COX10: variants seen among roughly 807,000 people sequenced by gnomAD.
COX10 encodes the protein protoheme IX farnesyltransferase, mitochondrial.
In COX10, 27 loss-of-function variants were observed where a neutral mutation model predicts 37.3. The ratio of observed to expected loss-of-function variants is 0.72; its 90% CI spans 0.53 to 1.00. The LOEUF is 1.00. Ranked by LOEUF, COX10 falls within the 50% of genes least tolerant of loss-of-function variation. The pLI is 0.00. For missense variants in COX10, 475 were observed against 563.2 expected (o/e 0.84, Z 1.59); for synonymous variants, 222 against 229.1 (o/e 0.97, Z 0.28).
intron 1 of COX10, among the ~76,000 whole-genome samples, chr17:14,071,662 C>G (rs1915024920): frequency 6.7e-6 from 1 of 150,298 alleles, no homozygotes; most frequent in Non-Finnish European, 1.5e-5. Context: ...GGCAGGTGGA[C>G]CACTTGAGGT....
At chr17:14,108,622 T>A (rs1200572788) in intron 4 of COX10, among the ~76,000 whole-genome samples, 1 of 150,830 alleles carries the variant, frequency 6.6e-6, no homozygotes, top group Non-Finnish European at 1.5e-5. Flanking sequence ...AGAAGAGACA[T>A]GTTTTTTGTT....
chr17:14,146,867 C>T (rs1904735291), intron 4 of COX10, among the ~76,000 whole-genome samples: 1 of 152,092 alleles, frequency 6.6e-6, no homozygotes. Context: ...AGAAGACATA[C>T]AAATGGCAGA....
At chr17:14,185,279 C>T (rs930185482) in intron 5 of COX10, among the ~76,000 whole-genome samples, 118 of 142,536 alleles carry the variant, frequency 8.3e-4, no homozygotes, top group Admixed American at 1.1e-3. Flanking sequence ...TGGGAAGAGC[C>T]GATGGTTTTT....
chr17:14,117,547 C>T (rs1222321750), intron 4 of COX10, among the ~76,000 whole-genome samples: 2 of 152,176 alleles, frequency 1.3e-5, no homozygotes, highest in Non-Finnish European at 2.9e-5. Context: ...CCCTTATCCC[C>T]CTTTCAGGGC....
intron 4 of COX10, among the ~76,000 whole-genome samples, chr17:14,148,203 C>G (rs1904786806): frequency 6.6e-6 from 1 of 152,128 alleles, no homozygotes; most frequent in Admixed American, 6.6e-5. Context: ...GGGTGAAAAG[C>G]CACTTCTGAT....
At chr17:14,109,819 G>A (rs889712608) in intron 4 of COX10, among the ~76,000 whole-genome samples, 1 of 152,066 alleles carries the variant, frequency 6.6e-6, no homozygotes, top group East Asian at 1.9e-4. Flanking sequence ...TACCTCTAAC[G>A]ACATCGAGTG....
chr17:14,101,294 C>T (rs1915774456), intron 3 of COX10, among the ~76,000 whole-genome samples: 1 of 152,182 alleles, frequency 6.6e-6, no homozygotes, highest in Non-Finnish European at 1.5e-5. Context: ...TGTAATGTTG[C>T]TCACCCTACC....
chr17:14,165,958 G>A (rs749009044), intron 5 of COX10, among the ~76,000 whole-genome samples: 2 of 152,210 alleles, frequency 1.3e-5, no homozygotes, highest in Non-Finnish European at 2.9e-5. Flanking sequence ...TTTTATGAAG[G>A]CTGAGAGAGG....
intron 4 of COX10, among the ~76,000 whole-genome samples, chr17:14,147,659 A>T (rs1392427446): frequency 1.3e-5 from 2 of 151,998 alleles, no homozygotes; most frequent in Non-Finnish European, 2.9e-5. Flanking sequence ...TTTGTAACAC[A>T]AAAGATAAGT....
chr17:14,156,017 C>T (rs1905033281), intron 4 of COX10, among the ~76,000 whole-genome samples: 1 of 152,164 alleles, frequency 6.6e-6, no homozygotes, highest in African/African-American at 2.4e-5. Context: ...CCCTTGTCTA[C>T]CTCTGGAGCT....
At chr17:14,119,721 G>A (rs918640565) in intron 4 of COX10, among the ~76,000 whole-genome samples, 2 of 152,158 alleles carry the variant, frequency 1.3e-5, no homozygotes, top group African/African-American at 4.8e-5. Flanking sequence ...ACAAGAGGAA[G>A]CGTGGTTTAG....
At chr17:14,134,735 T>C (rs1379193679) in intron 4 of COX10, among the ~76,000 whole-genome samples, 1 of 151,518 alleles carries the variant, frequency 6.6e-6, no homozygotes, top group Non-Finnish European at 1.5e-5. Context: ...TTTAAGGTAG[T>C]AGTTTTTTGA....
rs751576984 is a variant in COX10, at chr17:14,159,860, T to C, written c.625-17T>C. 61 of 1,593,300 alleles carry C rather than the reference T, an allele frequency of 3.8e-5. No individual in the cohort carries two copies. Among genetic ancestry groups the C allele is most frequent in the Non-Finnish European group, 5.0e-5 (58 of 1,164,764 alleles). ...TTTATAGTTAATGTTTTCTGTCTTT[T>C]TTCATTCTTTTTACAGTTTTTTGAG... On this transcript the variant is annotated splice_polypyrimidine_tract_variant and intron_variant, in intron 4 of 6. Coordinates refer to ENST00000261643, the MANE Select transcript of COX10 (RefSeq NM_001303.4).
intron 5 of COX10, among the ~76,000 whole-genome samples, chr17:14,161,988 G>A (rs1239483420): frequency 6.6e-6 from 1 of 152,154 alleles, no homozygotes; most frequent in Non-Finnish European, 1.5e-5. Context: ...CACTGGGGAA[G>A]CCAAATATTA....
At chr17:14,195,902 A>G (rs868146198) in intron 6 of COX10, among the ~76,000 whole-genome samples, 4 of 152,204 alleles carry the variant, frequency 2.6e-5, no homozygotes, top group Non-Finnish European at 2.9e-5. Context: ...GAATATCTTG[A>G]AAATACCTGG....
chr17:14,073,965 T>A lies in COX10; in HGVS notation c.44-358T>A, dbSNP rs549813499. On this transcript the variant is annotated intron_variant, in intron 1 of 6. Transcript: ENST00000261643. ...TATATTTCAATTTATTGTCATTTAT[T>A]AAGAAAAATTGTGCTTTTTATTTTC... Among the ~76,000 whole-genome samples, 9 of 152,340 alleles carry A rather than the reference T, an allele frequency of 5.9e-5. No individual in the cohort carries two copies. In the South Asian group the frequency reaches 1.9e-3, roughly 32 times the overall value.
In COX10 at chr17:14,207,064, C is replaced by T. The variant is rs1443086355; in HGVS notation, c.1183C>T (p.Leu395Phe). The T allele has an allele frequency of 6.2e-7, 1 of 1,614,082 alleles. No homozygotes were observed. The highest frequency in any genetic ancestry group is 8.5e-7 in the Non-Finnish European group (1 of 1,179,948). ...TCCCATCAATGCGTACATCTCCTAC[C>T]TCGGCTTCCGCTTCTACGTGGACGC... ...ALPINAYISY[L>F]GFRFYVDADR... Residue 395 changes from leucine (L) to phenylalanine (F), a missense_variant, in exon 7 of 7, where the codon CTC (leucine) becomes TTC (phenylalanine). This residue lies in a region of COX10 where 160 missense variants were observed against 180.6 expected (regional missense o/e 0.89). Coordinates refer to ENST00000261643, the MANE Select transcript of COX10 (RefSeq NM_001303.4).
At chr17:14,193,056 G>A (rs1906257931) in intron 6 of COX10, among the ~76,000 whole-genome samples, 1 of 152,180 alleles carries the variant, frequency 6.6e-6, no homozygotes, top group Non-Finnish European at 1.5e-5. Context: ...TCTTAGAATG[G>A]TTTTAATATC....
At chr17:14,183,674 CATAAGTCTTT>C (rs1905934513) in intron 5 of COX10, among the ~76,000 whole-genome samples, 1 of 152,406 alleles carries the variant, frequency 6.6e-6, no homozygotes, top group South Asian at 2.1e-4. Context: ...GTGGTATATT[CATAAGTCTTT>C]ATAAGTCTGA....
Sources: allele counts gnomAD v4.1 joint callset (sites outside exome capture counted in the v4.1 genomes callset), GRCh38; gene constraint gnomAD v4.1.1; regional missense constraint gnomAD v4.1.1; transcripts MANE v1.5; gene names NCBI Gene and HGNC (gene_info 2026-07-23, HGNC 2026-07-21).